The following DTWD2 variants were observed in gnomAD, a reference collection of about 807,000 sequenced individuals.
DTWD2 encodes the protein DTW motif tRNA-uridine aminocarboxypropyltransferase 2, also known as tRNA-uridine aminocarboxypropyltransferase 2.
In DTWD2, 39 loss-of-function variants were observed where a neutral mutation model predicts 31.8. The observed-to-expected ratio is 1.22, with a 90% CI of 0.95 to 1.60. The LOEUF is 1.60. Ranked by LOEUF, DTWD2 falls within the 40% of genes most tolerant of loss-of-function variation. DTWD2 has a pLI of 0.00. For missense variants in DTWD2, 515 were observed against 381.5 expected (o/e 1.35, Z -2.92); for synonymous variants, 180 against 142.8 (o/e 1.26, Z -1.86).
intron 1 of DTWD2, among the ~76,000 whole-genome samples, chr5:118,949,694 A>G (rs1754415931): frequency 6.6e-6 from 1 of 152,112 alleles, no homozygotes; most frequent in South Asian, 2.1e-4. Context: ...GGGGTGCATG[A>G]TCATTCGCCA....
chr5:118,874,060 C>T (rs1752568093), intron 4 of DTWD2, among the ~76,000 whole-genome samples: 1 of 152,194 alleles, frequency 6.6e-6, no homozygotes, highest in Admixed American at 6.5e-5. Flanking sequence ...CCAGGAGTTA[C>T]AGCACTCAGT....
chr5:118,944,439 T>A (rs1754286251), intron 2 of DTWD2, 120 bp downstream of exon 2: 1 of 1,032,836 alleles, frequency 9.7e-7, no homozygotes. Flanking sequence ...AGAGAAAGCA[T>A]TTATCACCAA....
chr5:118,900,825 T>G (rs1753189446), intron 4 of DTWD2, among the ~76,000 whole-genome samples: 1 of 151,026 alleles, frequency 6.6e-6, no homozygotes, highest in East Asian at 2.0e-4. Context: ...CTCGGGAGGC[T>G]GAGGCAGGAG....
intron 5 of DTWD2, among the ~76,000 whole-genome samples, chr5:118,843,100 G>C (rs1751759453): frequency 1.3e-5 from 2 of 151,760 alleles, no homozygotes; most frequent in African/African-American, 4.8e-5. Context: ...GGGACTATAG[G>C]TGCATGCCAC....
chr5:118,849,285 T>C (rs903935628), intron 4 of DTWD2, among the ~76,000 whole-genome samples: 29 of 152,178 alleles, frequency 1.9e-4, no homozygotes, highest in African/African-American at 6.5e-4. Context: ...AATCTCATCA[T>C]CACTGGTCAT....
chr5:118,987,601 ATTGC>A (rs1755456761), intron 1 of DTWD2, among the ~76,000 whole-genome samples: 1 of 152,062 alleles, frequency 6.6e-6, no homozygotes, highest in Non-Finnish European at 1.5e-5. Context: ...TACATATTTG[ATTGC>A]TTGTTTGCTG....
Position 118,843,123 on chromosome 5 carries a change from A to G in DTWD2, c.727-2036T>C, listed in dbSNP as rs191968559. Among the ~76,000 whole-genome samples the G allele has an allele frequency of 2.0e-5, 3 of 151,574 alleles. No homozygotes were observed. The East Asian group carries it at 5.9e-4, about 30-fold the overall frequency. On this transcript the variant is annotated intron_variant, in intron 5 of 5. Coordinates refer to ENST00000510708, the MANE Select transcript of DTWD2 (RefSeq NM_173666.4). ...AGGTGCATGCCACCATGCCCAGCTT[A>G]TTTTTGTATTTTTAGTAGAGACGGG... is the stretch of plus-strand genomic sequence containing the variant.
chr5:118,848,892 C>T (rs1406448408), intron 4 of DTWD2, among the ~76,000 whole-genome samples: 1 of 152,180 alleles, frequency 6.6e-6, no homozygotes, highest in South Asian at 2.1e-4. Context: ...GGATTAAAGA[C>T]TTAAGCATAA....
chr5:118,885,456 CAAAAAAA>C (rs34550372), intron 4 of DTWD2, among the ~76,000 whole-genome samples: 6 of 57,516 alleles, frequency 1.0e-4, no homozygotes, highest in East Asian at 5.3e-4. Context: ...GACTCCACCT[CAAAAAAA>C]AAAAAAAAAA....
chr5:118,896,181 C>T (rs1753080597), intron 4 of DTWD2, among the ~76,000 whole-genome samples: 1 of 152,146 alleles, frequency 6.6e-6, no homozygotes. Flanking sequence ...ATAAAGGCGG[C>T]TCCAAGGGCT....
chr5:118,954,276 GAATC>G (rs1182440960), intron 1 of DTWD2, among the ~76,000 whole-genome samples: 2 of 151,992 alleles, frequency 1.3e-5, no homozygotes, highest in African/African-American at 2.4e-5. Flanking sequence ...CCCTAGCAAT[GAATC>G]AATCAATCAA....
chr5:118,961,994 C>T (rs1219832971), intron 1 of DTWD2, among the ~76,000 whole-genome samples: 3 of 152,154 alleles, frequency 2.0e-5, no homozygotes, highest in Non-Finnish European at 4.4e-5. Flanking sequence ...GTAATCCCAG[C>T]ACTTTGGGAG....
At chr5:118,866,863 G>A (rs1490398219) in intron 4 of DTWD2, among the ~76,000 whole-genome samples, 1 of 151,832 alleles carries the variant, frequency 6.6e-6, no homozygotes, top group Non-Finnish European at 1.5e-5. Context: ...GTTGCAGTGA[G>A]CCAAGATCAT....
At chr5:118,897,353 T>C (rs1753106680) in intron 4 of DTWD2, among the ~76,000 whole-genome samples, 2 of 152,208 alleles carry the variant, frequency 1.3e-5, no homozygotes, top group African/African-American at 4.8e-5. Flanking sequence ...ATGTCTCTAA[T>C]TTGAGGTTTA....
At chr5:118,947,376 T>C (rs1754362788) in intron 1 of DTWD2, among the ~76,000 whole-genome samples, 1 of 152,188 alleles carries the variant, frequency 6.6e-6, no homozygotes, top group African/African-American at 2.4e-5. Context: ...AAAGTGGCTC[T>C]AAGCGGGAAG....
At position 118,837,242 on chromosome 5, in the gene DTWD2, G is replaced by C. The variant is rs1010262061; in HGVS notation, c.*3675C>G. 4 of 152,120 alleles carry C rather than the reference G, an allele frequency of 2.6e-5. No individual in the cohort carries two copies. The highest frequency in any genetic ancestry group is 9.7e-5 in the African/African-American group (4 of 41,424). 9.4% of individuals were successfully genotyped at this position (152,120 alleles called of 1,614,324 possible). A position where few individuals can be genotyped will look rare whatever the true frequency, so the allele number is the denominator to read the frequency against. On this transcript the variant is annotated 3_prime_UTR_variant, in exon 6 of 6. Coordinates refer to ENST00000510708, the MANE Select transcript of DTWD2 (RefSeq NM_173666.4). ...AGTTAATGTAGCTAATAAAAATTTA[G>C]ATTGGACAATTTAAGAGAGTAATTC...
At chr5:118,885,778 A>G (rs1165383126) in intron 4 of DTWD2, among the ~76,000 whole-genome samples, 1 of 151,032 alleles carries the variant, frequency 6.6e-6, no homozygotes, top group African/African-American at 2.4e-5. Context: ...AAAAAAAAAA[A>G]TAAAAATAAT....
chr5:118,988,161 C>G, intron 1 of DTWD2, 133 bp downstream of exon 1: 1 of 1,147,480 alleles, frequency 8.7e-7, no homozygotes. Context: ...TCCGAGATTT[C>G]CAACGTGCAC....
chr5:118,921,048 TC>T, intron 4 of DTWD2, among the ~76,000 whole-genome samples: 1 of 152,290 alleles, frequency 6.6e-6, no homozygotes, highest in South Asian at 2.1e-4. Context: ...TCCTATTATA[TC>T]CTATTCTATC....
Sources: gnomAD v4.1 joint callset for allele counts (sites outside exome capture counted in the v4.1 genomes callset) on GRCh38, gnomAD v4.1.1 for gene constraint, MANE v1.5 for transcripts, NCBI Gene and HGNC (gene_info 2026-07-23, HGNC 2026-07-21) for gene names.